SYCP2L: variants seen among roughly 807,000 people sequenced by gnomAD.
SYCP2L encodes synaptonemal complex protein 2 like.
In SYCP2L, 98 loss-of-function variants were observed where a neutral mutation model predicts 125.8. The ratio of observed to expected loss-of-function variants is 0.78; its 90% CI spans 0.66 to 0.92. The LOEUF (loss-of-function observed/expected upper bound fraction) is 0.92, where lower values mean the gene tolerates loss of function less well. Among genes scored for constraint, SYCP2L ranks in the 40% least tolerant of loss-of-function variants. The pLI is 0.00. For missense variants in SYCP2L, 842 were observed against 936.4 expected, an observed-to-expected ratio of 0.90 and a Z score of 1.32; for synonymous variants, 317 against 325.4, an observed-to-expected ratio of 0.97 and a Z score of 0.28.
At chr6:10,967,440 T>A in intron 29 of SYCP2L, among the ~76,000 whole-genome samples, 1 of 132,462 alleles carries the variant, frequency 7.5e-6, no homozygotes, top group Admixed American at 8.3e-5. Context: ...ATTAGTTATG[T>A]GTATGGGGTA....
rs1434894979 is a variant in SYCP2L at position 10,974,044 on chromosome 6, C to T, written c.*130C>T. 1 of 152,214 alleles carries T rather than the reference C, an allele frequency of 6.6e-6. No individual in the cohort carries two copies. Among genetic ancestry groups the T allele is most frequent in the Admixed American group, 6.5e-5 (1 of 15,272 alleles). The allele number at this position is 152,214 out of a possible 1,614,324, so 9.4% of individuals were successfully genotyped here. A position where few individuals can be genotyped will look rare whatever the true frequency, so the allele number is the denominator to read the frequency against. ...TCGTGCTCTGTACGCATTCAATTTCCTCCCCTCCAAACATCATCCCTGGGA... is the reference window on the plus strand; with the variant it reads ...TCGTGCTCTGTACGCATTCAATTTCTTCCCCTCCAAACATCATCCCTGGGA... On this transcript the variant is annotated 3_prime_UTR_variant, in exon 30 of 30. Coordinates refer to ENST00000283141, the MANE Select transcript of SYCP2L (RefSeq NM_001040274.3).
At position 10,968,732 on chromosome 6, in the gene SYCP2L, G is replaced by A. The variant is rs903039737; in HGVS notation, c.*37+4889G>A. 4.6e-5 allele frequency among the ~76,000 whole-genome samples: 7 copies of A among 152,316 alleles called. No homozygotes were observed. The South Asian group carries it at 6.2e-4, about 14-fold the overall frequency. On this transcript the variant is annotated intron_variant, in intron 29 of 29. Transcript: ENST00000283141. ...GTAGGTAGACTGGGGTCCAGGAGGAGATGTACGCACAGCATCAGGTGAGGG... is the reference window on the plus strand; with the variant it reads ...GTAGGTAGACTGGGGTCCAGGAGGAAATGTACGCACAGCATCAGGTGAGGG...
intron 23 of SYCP2L, among the ~76,000 whole-genome samples, chr6:10,943,478 TGTCTGA>T (rs1781258074): frequency 6.6e-6 from 1 of 151,492 alleles, no homozygotes; most frequent in Non-Finnish European, 1.5e-5. Flanking sequence ...CTTAATTTTA[TGTCTGA>T]GTCTCTGCTT....
chr6:10,889,936 G>C (rs1780147488), intron 1 of SYCP2L, among the ~76,000 whole-genome samples: 1 of 152,110 alleles, frequency 6.6e-6, no homozygotes, highest in African/African-American at 2.4e-5. Flanking sequence ...AGCTTTTTTA[G>C]CCTCTACATG....
At chr6:10,924,725 T>C in intron 15 of SYCP2L, 84 bp downstream of exon 15, 1 of 1,227,428 alleles carries the variant, frequency 8.1e-7, no homozygotes, top group Non-Finnish European at 1.1e-6. Flanking sequence ...GGTTTTGATG[T>C]GAATATTTGA....
rs371984197 is a variant in SYCP2L, at chr6:10,924,507, A to T, written c.1084A>T (p.Ile362Leu). The T allele has an allele frequency of 1.3e-6, 2 of 1,581,356 alleles. No individual in the cohort carries two copies. The highest frequency in any genetic ancestry group is 1.4e-5 in the African/African-American group (1 of 72,970). ...ATATTTTCTCTTAGAAACGGAGAAG[A>T]TAAAGATATTTATCATTTACCTGAA... ...MNFSITETEK[I>L]KIFIIYLKKP... The change falls in exon 15 of 30, where the codon ATA becomes TTA. Residue 362 changes from isoleucine (I) to leucine (L), a missense_variant. Coordinates refer to ENST00000283141, the MANE Select transcript of SYCP2L (RefSeq NM_001040274.3).
In SYCP2L at chr6:10,902,673, TC is replaced by T. The variant is rs1780399259; in HGVS notation, c.467-3del. On this transcript the variant is annotated splice_region_variant and splice_polypyrimidine_tract_variant and intron_variant, in intron 6 of 29. Coordinates refer to ENST00000283141, the MANE Select transcript of SYCP2L (RefSeq NM_001040274.3). ...AATTTGATGCTTTGAAATTATACTT[TC>T]AGGGAAAATTCAGATGTTGGATTCC... 6.2e-7 allele frequency: 1 copy of T among 1,612,480 alleles called. No homozygotes were observed. Among genetic ancestry groups the T allele is most frequent in the African/African-American group, 1.3e-5 (1 of 74,998 alleles).
chr6:10,908,683 T>C (rs974310582), intron 10 of SYCP2L, among the ~76,000 whole-genome samples: 10 of 152,332 alleles, frequency 6.6e-5, no homozygotes, highest in East Asian at 3.9e-4. Flanking sequence ...AAGACTCTTA[T>C]GAAATATGGA....
intron 14 of SYCP2L, among the ~76,000 whole-genome samples, chr6:10,915,323 G>A (rs894388028): frequency 7.9e-5 from 12 of 152,116 alleles, no homozygotes; most frequent in African/African-American, 2.9e-4. Context: ...TCTGTCTCTT[G>A]TCTGATTGCT....
intron 8 of SYCP2L, among the ~76,000 whole-genome samples, chr6:10,905,814 A>T (rs1193856764): frequency 6.6e-6 from 1 of 152,230 alleles, no homozygotes; most frequent in African/African-American, 2.4e-5. Context: ...TAGTTCTAGC[A>T]TCTTAAAAAA....
intron 14 of SYCP2L, among the ~76,000 whole-genome samples, chr6:10,915,601 C>A (rs938406450): frequency 6.6e-6 from 1 of 152,092 alleles, no homozygotes; most frequent in Admixed American, 6.6e-5. Flanking sequence ...GTTTTTAATT[C>A]TGTTTTTGTG....
At chr6:10,944,351 C>A (rs1366790437) in intron 23 of SYCP2L, among the ~76,000 whole-genome samples, 2 of 152,168 alleles carry the variant, frequency 1.3e-5, no homozygotes, top group East Asian at 3.9e-4. Flanking sequence ...GCCTAGTTGT[C>A]TATAGAATTA....
In SYCP2L at chr6:10,902,956, C is replaced by A; in HGVS notation, c.634C>A (p.His212Asn). Residue 212 changes from histidine to asparagine, a missense_variant, in exon 8 of 30, where the codon CAT (histidine) becomes AAT (asparagine). Transcript: ENST00000283141. ...KKFPLSEGMC[H>N]LMKDLARTLL... ...ATTCCCTTTGTCAGAAGGCATGTGT[C>A]ATCTTATGTAAGTGACTTTGTATAA... The A allele has an allele frequency of 6.2e-7, 1 of 1,613,868 alleles. No homozygotes were observed. The highest frequency in any genetic ancestry group is 8.5e-7 in the Non-Finnish European group (1 of 1,179,796).
chr6:10,941,514 A>G (rs913029973), intron 21 of SYCP2L, among the ~76,000 whole-genome samples: 3 of 152,258 alleles, frequency 2.0e-5, no homozygotes, highest in Non-Finnish European at 4.4e-5. Flanking sequence ...TTCTCAAAAG[A>G]AGACATTTAT....
rs372488811 is a variant in SYCP2L, at chr6:10,895,456, A to G, written c.336+1252A>G. ...AAACATTTCCTTTTTTTCTTTTTAG[A>G]TAGGGTGGGCATGTAAGAGAAAGTG... On this transcript the variant is annotated intron_variant, in intron 4 of 29. Coordinates refer to ENST00000283141, the MANE Select transcript of SYCP2L (RefSeq NM_001040274.3). Among the ~76,000 whole-genome samples, 12 of 152,004 alleles carry G rather than the reference A, an allele frequency of 7.9e-5. No individual in the cohort carries two copies. The East Asian group carries it at 1.8e-3, about 22-fold the overall frequency.
intron 10 of SYCP2L, among the ~76,000 whole-genome samples, chr6:10,907,892 G>GTTTTTTTGTTTTTTTTTTTT (rs1780526784): frequency 5.4e-5 from 5 of 91,918 alleles, no homozygotes; most frequent in Non-Finnish European, 8.1e-5. Context: ...ATACAGATAG[G>GTTTTTTTGTTTTTTTTTTTT]TTTTTTTTTT....
At chr6:10,962,893 A>G (rs1040034511) in intron 28 of SYCP2L, among the ~76,000 whole-genome samples, 1 of 152,164 alleles carries the variant, frequency 6.6e-6, no homozygotes, top group Non-Finnish European at 1.5e-5. Flanking sequence ...TAAAAAGCAA[A>G]TAATGTCTTA....
At chr6:10,966,950 GATGAA>G (rs1017446469) in intron 29 of SYCP2L, among the ~76,000 whole-genome samples, 2 of 152,050 alleles carry the variant, frequency 1.3e-5, no homozygotes, top group African/African-American at 2.4e-5. Flanking sequence ...TGAAAACTTA[GATGAA>G]ATGAACAATT....
intron 8 of SYCP2L, 58 bp downstream of exon 8, chr6:10,903,021 A>G (rs1780408051): frequency 1.4e-6 from 2 of 1,399,304 alleles, no homozygotes; most frequent in Non-Finnish European, 2.0e-6. Flanking sequence ...TCATGAGTGT[A>G]TGGCTTCAGT....
Sources: allele counts gnomAD v4.1 joint callset (sites outside exome capture counted in the v4.1 genomes callset), GRCh38; gene constraint gnomAD v4.1.1; transcripts MANE v1.5; gene names NCBI Gene and HGNC (gene_info 2026-07-23, HGNC 2026-07-21).